The following TRPS1 variants were observed in gnomAD, a reference collection of about 807,000 sequenced individuals.
TRPS1 encodes the protein transcriptional repressor GATA binding 1.
In TRPS1, 6 loss-of-function variants were observed where a neutral mutation model predicts 101.2. The ratio of observed to expected loss-of-function variants is 0.06; its 90% CI spans 0.03 to 0.12. The LOEUF (loss-of-function observed/expected upper bound fraction) is 0.12, where lower values mean the gene tolerates loss of function less well. TRPS1 is among the 10% of genes least tolerant of loss of function. TRPS1 has a pLI of 1.00. For missense variants in TRPS1, 1,363 were observed against 1,567.0 expected (o/e 0.87, Z 2.20); for synonymous variants, 578 against 589.8 (o/e 0.98, Z 0.29).
rs765503026 is a variant in TRPS1, at chr8:115,619,687, G to C, written c.411C>G (p.Pro137=). 6 of 1,614,150 alleles carry C rather than the reference G, an allele frequency of 3.7e-6. No homozygotes were observed. The highest frequency in any genetic ancestry group is 1.6e-4 in the Middle Eastern group (1 of 6,062). ...CCTCTGCTCTTTGCGGAGACTTCAA[G>C]GGCTCACAGACTCCCCCAGCAGCTG... is the stretch of plus-strand genomic sequence containing the variant. ...SSPAAGGVCE[P]LKSPQRAEAD... The change falls in exon 3 of 7, where the codon CCC becomes CCG. Residue 137 remains proline, a synonymous_variant. Coordinates refer to ENST00000395715, the MANE Select transcript of TRPS1 (RefSeq NM_014112.5).
At chr8:115,588,044 CA>C (rs1817607395) in intron 4 of TRPS1, among the ~76,000 whole-genome samples, 1 of 152,234 alleles carries the variant, frequency 6.6e-6, no homozygotes, top group South Asian at 2.1e-4. Context: ...TAAGTTTTCA[CA>C]CCTGATTTAA....
intron 1 of TRPS1, among the ~76,000 whole-genome samples, chr8:115,665,176 A>C (rs1334931546): frequency 2.6e-5 from 4 of 152,140 alleles, no homozygotes; most frequent in Non-Finnish European, 5.9e-5. Flanking sequence ...TCCAATTTCA[A>C]ATTTGGAATA....
chr8:115,581,228 C>T (rs537166049), intron 5 of TRPS1, among the ~76,000 whole-genome samples: 14 of 150,614 alleles, frequency 9.3e-5, no homozygotes, highest in African/African-American at 1.5e-4. Flanking sequence ...AAACCAAAAA[C>T]GGAAGAGAAG....
At chr8:115,543,508 T>G (rs1160867046) in intron 5 of TRPS1, among the ~76,000 whole-genome samples, 3 of 152,180 alleles carry the variant, frequency 2.0e-5, no homozygotes, top group African/African-American at 7.2e-5. Context: ...AGGCCTTTGG[T>G]TCTAAGATAT....
chr8:115,660,474 C>T (rs1399487889), intron 1 of TRPS1, among the ~76,000 whole-genome samples: 1 of 151,742 alleles, frequency 6.6e-6, no homozygotes, highest in East Asian at 1.9e-4. Flanking sequence ...AATGCTTTTT[C>T]CAAGCTTGGG....
intron 5 of TRPS1, among the ~76,000 whole-genome samples, chr8:115,487,786 A>G (rs1053135875): frequency 1.3e-5 from 2 of 152,222 alleles, no homozygotes; most frequent in African/African-American, 4.8e-5. Flanking sequence ...CTTCTTATGG[A>G]TGAGCAAAAA....
chr8:115,549,078 G>A (rs1160547168), intron 5 of TRPS1, among the ~76,000 whole-genome samples: 1 of 152,068 alleles, frequency 6.6e-6, no homozygotes, highest in Non-Finnish European at 1.5e-5. Context: ...GAGACATTCT[G>A]GGCAGAATAT....
chr8:115,599,389 G>C (rs1204134842), intron 4 of TRPS1, among the ~76,000 whole-genome samples: 1 of 151,828 alleles, frequency 6.6e-6, no homozygotes, highest in Non-Finnish European at 1.5e-5. Flanking sequence ...TTGTTACACA[G>C]GTATACATGT....
chr8:115,567,782 A>G (rs192859553), intron 5 of TRPS1, among the ~76,000 whole-genome samples: 1 of 152,234 alleles, frequency 6.6e-6, no homozygotes, highest in Non-Finnish European at 1.5e-5. Flanking sequence ...TTCTGTCCCT[A>G]ACGTGCAATC....
At chr8:115,515,256 C>A (rs570400568) in intron 5 of TRPS1, 5 of 697,860 alleles carry the variant, frequency 7.2e-6, no homozygotes, top group African/African-American at 1.8e-5. Context: ...AACTGCTCTT[C>A]GGGAGTCATC....
chr8:115,522,958 T>C (rs188186111), intron 5 of TRPS1, among the ~76,000 whole-genome samples: 2 of 152,264 alleles, frequency 1.3e-5, no homozygotes, highest in African/African-American at 4.8e-5. Context: ...GTTACTTCCA[T>C]GTTGATTTAA....
chr8:115,502,087 A>G (rs1815332728), intron 5 of TRPS1, among the ~76,000 whole-genome samples: 1 of 152,160 alleles, frequency 6.6e-6, no homozygotes, highest in Non-Finnish European at 1.5e-5. Context: ...ATATGGTTTA[A>G]AAGTGAGCTA....
intron 5 of TRPS1, among the ~76,000 whole-genome samples, chr8:115,434,117 C>T (rs1351246405): frequency 6.6e-6 from 1 of 151,812 alleles, no homozygotes; most frequent in Non-Finnish European, 1.5e-5. Flanking sequence ...TTCAGACTAC[C>T]TTGGTGTGTA....
chr8:115,502,587 G>C (rs1815345461), intron 5 of TRPS1, among the ~76,000 whole-genome samples: 1 of 152,112 alleles, frequency 6.6e-6, no homozygotes, highest in Non-Finnish European at 1.5e-5. Flanking sequence ...AGATTATCTA[G>C]AAATGATACA....
At position 115,410,807 on chromosome 8, in the gene TRPS1, T is replaced by C. The variant is rs1812771025; in HGVS notation, c.*3216A>G. 6.6e-6 allele frequency: 1 copy of C among 152,070 alleles called. No homozygotes were observed. The highest frequency in any genetic ancestry group is 2.4e-5 in the African/African-American group (1 of 41,438). 9.4% of individuals were successfully genotyped at this position (152,070 alleles called of 1,614,324 possible). A position where few individuals can be genotyped will look rare whatever the true frequency, so the allele number is the denominator to read the frequency against. On this transcript the variant is annotated 3_prime_UTR_variant, in exon 7 of 7. Transcript: ENST00000395715. ...TTTTAAAATATTTTCAGTTTTTAAA[T>C]GGCACACAATTTTAGCTGGCACATC...
chr8:115,629,602 T>C (rs1382319814), intron 1 of TRPS1, among the ~76,000 whole-genome samples: 3 of 151,946 alleles, frequency 2.0e-5, no homozygotes, highest in African/African-American at 7.2e-5. Flanking sequence ...CCAAATTTGT[T>C]ATTATTTTAT....
intron 5 of TRPS1, among the ~76,000 whole-genome samples, chr8:115,496,829 A>G (rs772455531): frequency 6.6e-6 from 1 of 152,196 alleles, no homozygotes; most frequent in African/African-American, 2.4e-5. Context: ...AGTTTTCTAC[A>G]TTTGTATCTC....
chr8:115,542,242 T>C lies in TRPS1; in HGVS notation c.2700+44759A>G, dbSNP rs538015744. Among the ~76,000 whole-genome samples, 36 of 152,290 alleles carry C rather than the reference T, an allele frequency of 2.4e-4. No homozygotes were observed. The South Asian group carries it at 6.6e-3, about 28-fold the overall frequency. On this transcript the variant is annotated intron_variant, in intron 5 of 6. Transcript: ENST00000395715. ...CATGACACAAAAATGCCCGGTCAGG[T>C]TCATTTTAAATGCACGTTTTATTTG...
At chr8:115,640,383 A>G (rs1000733292) in intron 1 of TRPS1, among the ~76,000 whole-genome samples, 2 of 152,224 alleles carry the variant, frequency 1.3e-5, no homozygotes, top group Admixed American at 1.3e-4. Context: ...ATTTCCTTAA[A>G]TCACTGAAGG....
Sources: allele counts gnomAD v4.1 joint callset (sites outside exome capture counted in the v4.1 genomes callset), GRCh38; gene constraint gnomAD v4.1.1; transcripts MANE v1.5; gene names NCBI Gene and HGNC (gene_info 2026-07-23, HGNC 2026-07-21).